SPIRE1: variants seen among roughly 807,000 people sequenced by gnomAD.
SPIRE1 encodes spire type actin nucleation factor 1, also known as protein spire homolog 1.
A neutral mutation model predicts 94.1 loss-of-function variants in SPIRE1; 40 were observed. That is an observed-to-expected ratio of 0.43 (90% CI 0.33 to 0.55). SPIRE1 has a LOEUF of 0.55. SPIRE1 is among the 20% of genes least tolerant of loss of function. The probability of loss-of-function intolerance (pLI) is 0.06; values close to 1 mark genes in which losing one functional copy is unlikely to be tolerated. For synonymous variants in SPIRE1, 376 were observed against 371.7 expected (o/e 1.01, Z -0.13); for missense variants, 838 against 975.2 (o/e 0.86, Z 1.87).
chr18:12,535,509 A>G lies in SPIRE1; in HGVS notation c.696T>C (p.His232=). The G allele has an allele frequency of 6.2e-7, 1 of 1,612,968 alleles. No individual in the cohort carries two copies. Among genetic ancestry groups the G allele is most frequent in the Non-Finnish European group, 8.5e-7 (1 of 1,179,136 alleles). ...CACTCTTAATTTTGGTCAGAAATGT[A>G]TGGAGCTCCATTGTTTCTGCAAACA... is the stretch of plus-strand genomic sequence containing the variant. ...RALFAETMEL[H]TFLTKIKSAK... is the part of the protein sequence containing the mutation. The change falls in exon 4 of 17, where the codon CAT becomes CAC. Residue 232 remains histidine (H), a synonymous_variant. Coordinates refer to ENST00000409402, the MANE Select transcript of SPIRE1 (RefSeq NM_001128626.2).
intron 14 of SPIRE1, 49 bp downstream of exon 14, chr18:12,453,019 C>A: frequency 1.6e-6 from 2 of 1,227,176 alleles, no homozygotes; most frequent in South Asian, 2.8e-5. Flanking sequence ...ATTGGTATTT[C>A]TCTTACGACT....
chr18:12,658,933 G>C (rs565150037), upstream of SPIRE1: 27 of 242,656 alleles, frequency 1.1e-4, 1 homozygote, highest in East Asian at 3.3e-3. Context: ...CCTCACTAAG[G>C]TAATGTCTCA....
chr18:12,620,940 AC>A (rs1244527923), intron 2 of SPIRE1, among the ~76,000 whole-genome samples: 1 of 152,238 alleles, frequency 6.6e-6, no homozygotes, highest in Non-Finnish European at 1.5e-5. Context: ...AAGAACTCTT[AC>A]AATTCAATAA....
At position 12,447,839 on chromosome 18, in the gene SPIRE1, A is replaced by C. The variant is rs1407501650; in HGVS notation, c.*1799T>G. 1 of 152,166 alleles carries C rather than the reference A, an allele frequency of 6.6e-6. No homozygotes were observed. Among genetic ancestry groups the C allele is most frequent in the Non-Finnish European group, 1.5e-5 (1 of 68,026 alleles). The allele number at this position is 152,166 out of a possible 1,614,324, so 9.4% of individuals were successfully genotyped here. A position where few individuals can be genotyped will look rare whatever the true frequency, so the allele number is the denominator to read the frequency against. On this transcript the variant is annotated 3_prime_UTR_variant, in exon 17 of 17. Coordinates refer to ENST00000409402, the MANE Select transcript of SPIRE1 (RefSeq NM_001128626.2). ...ATATTTATATACATATACAAATACCATTTCCTTCCCCCTTGTGCCCTTCTG... is the reference window on the plus strand; with the variant it reads ...ATATTTATATACATATACAAATACCCTTTCCTTCCCCCTTGTGCCCTTCTG...
At chr18:12,629,235 G>C (rs2037711465) in intron 2 of SPIRE1, among the ~76,000 whole-genome samples, 1 of 152,148 alleles carries the variant, frequency 6.6e-6, no homozygotes, top group Non-Finnish European at 1.5e-5. Flanking sequence ...GGAATGTGAT[G>C]AAATTTGGAA....
intron 4 of SPIRE1, among the ~76,000 whole-genome samples, chr18:12,527,999 G>A (rs1259856621): frequency 6.6e-6 from 1 of 151,342 alleles, no homozygotes; most frequent in Non-Finnish European, 1.5e-5. Flanking sequence ...CTGGGAGGTG[G>A]AGCTTGCAGA....
chr18:12,529,294 G>A (rs912741729), intron 4 of SPIRE1, among the ~76,000 whole-genome samples: 3 of 151,982 alleles, frequency 2.0e-5, no homozygotes, highest in South Asian at 2.1e-4. Flanking sequence ...GTGTGAACCC[G>A]GGAGGTGGAA....
At chr18:12,485,306 C>T (rs1415704875) in intron 9 of SPIRE1, among the ~76,000 whole-genome samples, 1 of 151,982 alleles carries the variant, frequency 6.6e-6, no homozygotes, top group Non-Finnish European at 1.5e-5. Flanking sequence ...GGGGTTTCAC[C>T]GTGTTAGCCA....
intron 10 of SPIRE1, among the ~76,000 whole-genome samples, chr18:12,466,772 A>G (rs1159375506): frequency 1.3e-5 from 2 of 152,182 alleles, no homozygotes; most frequent in African/African-American, 4.8e-5. Flanking sequence ...TTACATAGGT[A>G]AATGTGTGCC....
chr18:12,624,491 C>T (rs1475893866), intron 2 of SPIRE1, among the ~76,000 whole-genome samples: 6 of 144,946 alleles, frequency 4.1e-5, no homozygotes, highest in Non-Finnish European at 7.5e-5. Flanking sequence ...TGCAGTGAGC[C>T]GAGATCGTAC....
Position 12,463,473 on chromosome 18 carries a change from T to C in SPIRE1, c.1516A>G (p.Ile506Val), listed in dbSNP as rs1195400769. ...TRKKPPKFLP[I>V]SSTPQPERRQ... ...CTCTCTGGCTGGGGTGTTGATGATA[T>C]GGGCAGGAATTTTGGAGGCTCTAAA... Residue 506 changes from isoleucine (I) to valine (V), a missense_variant, in exon 12 of 17, where the codon ATA becomes GTA. Physicochemically the swap from Ile to Val is conservative, Grantham distance 29. Transcript: ENST00000409402. 4.3e-6 allele frequency: 7 copies of C among 1,613,328 alleles called. No individual in the cohort carries two copies. In the Admixed American group the frequency reaches 6.7e-5, roughly 15 times the overall value.
At chr18:12,577,451 C>G (rs1414157307) in intron 2 of SPIRE1, among the ~76,000 whole-genome samples, 3 of 152,078 alleles carry the variant, frequency 2.0e-5, no homozygotes, top group Middle Eastern at 3.4e-3. Flanking sequence ...CTGGCCACTA[C>G]AAAAATTATT....
intron 10 of SPIRE1, among the ~76,000 whole-genome samples, chr18:12,472,623 C>A (rs1271649042): frequency 6.6e-6 from 1 of 151,708 alleles, no homozygotes; most frequent in African/African-American, 2.4e-5. Context: ...CCTGCCTCAG[C>A]CTCTCAAAGT....
intron 12 of SPIRE1, among the ~76,000 whole-genome samples, chr18:12,455,952 TA>T (rs1222102026): frequency 6.6e-6 from 1 of 152,202 alleles, no homozygotes; most frequent in African/African-American, 2.4e-5. Context: ...GCATTTTACT[TA>T]AAAAAGTAGT....
intron 1 of SPIRE1, chr18:12,656,642 T>C: frequency 2.2e-6 from 2 of 904,490 alleles, no homozygotes; most frequent in Non-Finnish European, 1.3e-6. Flanking sequence ...ATGTTTTTAA[T>C]AGACTTGCCT....
At chr18:12,597,625 TATAGTAATAATTTGCTGA>T (rs2036713967) in intron 2 of SPIRE1, among the ~76,000 whole-genome samples, 2 of 152,334 alleles carry the variant, frequency 1.3e-5, no homozygotes, top group Admixed American at 1.3e-4. Context: ...TAATTTGCTG[TATAGTAATAATTTGCTGA>T]GAATTAAATA....
At chr18:12,630,342 T>G (rs1598558268) in intron 2 of SPIRE1, among the ~76,000 whole-genome samples, 2 of 152,166 alleles carry the variant, frequency 1.3e-5, no homozygotes, top group Non-Finnish European at 2.9e-5. Flanking sequence ...CGTATAAAGC[T>G]AGGCTTGATG....
At chr18:12,593,623 G>A (rs918011471) in intron 2 of SPIRE1, among the ~76,000 whole-genome samples, 1 of 152,198 alleles carries the variant, frequency 6.6e-6, no homozygotes, top group Non-Finnish European at 1.5e-5. Flanking sequence ...TCTCCTGAAG[G>A]ATTTTATGGT....
intron 2 of SPIRE1, among the ~76,000 whole-genome samples, chr18:12,591,477 G>A (rs921137984): frequency 3.3e-5 from 5 of 152,120 alleles, no homozygotes; most frequent in Admixed American, 6.6e-5. Flanking sequence ...GACACATGAC[G>A]TTACATGACA....
Sources: allele counts gnomAD v4.1 joint callset (sites outside exome capture counted in the v4.1 genomes callset), GRCh38; gene constraint gnomAD v4.1.1; transcripts MANE v1.5; gene names NCBI Gene and HGNC (gene_info 2026-07-23, HGNC 2026-07-21).